IL12RB1: variants seen among roughly 807,000 people sequenced by gnomAD.
The protein encoded by IL12RB1 is interleukin 12 receptor subunit beta 1.
In IL12RB1, 64 loss-of-function variants were observed where a neutral mutation model predicts 94.4. The observed-to-expected ratio is 0.68, with a 90% CI of 0.55 to 0.83. IL12RB1 has a LOEUF of 0.83. IL12RB1 is among the 40% of genes least tolerant of loss of function. IL12RB1 has a pLI of 0.00. For synonymous variants in IL12RB1, 362 were observed against 355.5 expected, an observed-to-expected ratio of 1.02 and a Z score of -0.21; for missense variants, 814 against 855.6, an observed-to-expected ratio of 0.95 and a Z score of 0.61.
intron 4 of IL12RB1, among the ~76,000 whole-genome samples, chr19:18,079,964 C>G (rs754383463): frequency 9.2e-5 from 14 of 152,174 alleles, no homozygotes; most frequent in Admixed American, 1.3e-4. Flanking sequence ...TGTTTCTGTG[C>G]CTGGCTTACT....
intron 1 of IL12RB1, among the ~76,000 whole-genome samples, chr19:18,084,656 TCCAG>T (rs1192081004): frequency 2.5e-4 from 31 of 123,324 alleles, no homozygotes; most frequent in South Asian, 1.6e-3. Context: ...GATATATCCA[TCCAG>T]CCATCCATCC....
chr19:18,094,544 A>C (rs1051728901), intron 1 of IL12RB1, among the ~76,000 whole-genome samples: 1 of 152,182 alleles, frequency 6.6e-6, no homozygotes, highest in Non-Finnish European at 1.5e-5. Flanking sequence ...GCTTTGGAAA[A>C]CAGCCTGGTT....
intron 7 of IL12RB1, among the ~76,000 whole-genome samples, chr19:18,075,270 C>A (rs201331282): frequency 2.9e-4 from 32 of 108,978 alleles, no homozygotes; most frequent in South Asian, 1.5e-3. Context: ...TTTTTTTTTA[C>A]TTTTTTTTGA....
chr19:18,074,583 A>C (rs994581923), intron 7 of IL12RB1, among the ~76,000 whole-genome samples: 2 of 152,078 alleles, frequency 1.3e-5, no homozygotes, highest in African/African-American at 4.8e-5. Flanking sequence ...CCCCATCTCT[A>C]CTAAAAATAC....
chr19:18,065,775 C>T (rs535922446), intron 12 of IL12RB1, among the ~76,000 whole-genome samples: 2 of 151,960 alleles, frequency 1.3e-5, no homozygotes, highest in East Asian at 1.9e-4. Flanking sequence ...GCTGAGATGG[C>T]GCCACTGCAC....
In IL12RB1 at chr19:18,059,965, G is replaced by A. The variant is rs1327805116; in HGVS notation, c.1912C>T (p.Pro638Ser). The A allele has an allele frequency of 2.4e-5, 39 of 1,599,586 alleles. No homozygotes were observed. The highest frequency in any genetic ancestry group is 3.3e-5 in the Non-Finnish European group (39 of 1,172,596). Residue 638 changes from proline (P) to serine (S), a missense_variant, in exon 16 of 17, where the codon CCT (proline) becomes TCT (serine). Physicochemically the swap from Pro to Ser is moderately conservative, Grantham distance 74 (BLOSUM62 -1). Coordinates refer to ENST00000593993, the MANE Select transcript of IL12RB1 (RefSeq NM_005535.3). ...RTEPLEKTEL[P>S]EGAPELALDT... ...AGGGCCAGCTCAGGGGCACCCTCAGGTAGCTCTGTCTTCTCGAGAGGCTCA... is the reference window on the plus strand; with the variant it reads ...AGGGCCAGCTCAGGGGCACCCTCAGATAGCTCTGTCTTCTCGAGAGGCTCA...
chr19:18,079,609 A>G (rs1001000397), intron 4 of IL12RB1, among the ~76,000 whole-genome samples: 17 of 151,162 alleles, frequency 1.1e-4, no homozygotes, highest in African/African-American at 4.1e-4. Flanking sequence ...TTTTTTTTTT[A>G]AGATTATACA....
chr19:18,064,208 C>A (rs1379019271), intron 12 of IL12RB1, among the ~76,000 whole-genome samples, 198 bp from the exon 13 acceptor site: 1 of 144,970 alleles, frequency 6.9e-6, no homozygotes, highest in Non-Finnish European at 1.5e-5. Context: ...GGCGCCATCT[C>A]GGCTCACTGC....
At chr19:18,067,633 C>G (rs2034688058) in intron 11 of IL12RB1, among the ~76,000 whole-genome samples, 1 of 152,106 alleles carries the variant, frequency 6.6e-6, no homozygotes, top group Non-Finnish European at 1.5e-5. Flanking sequence ...AAAACCCTGT[C>G]TCTACTAAAG....
chr19:18,071,877 C>A (rs566533371), intron 9 of IL12RB1, among the ~76,000 whole-genome samples: 1 of 152,292 alleles, frequency 6.6e-6, no homozygotes, highest in African/African-American at 2.4e-5. Flanking sequence ...GTTGGCCAGA[C>A]TGGTCTCGAA....
rs766810300 is a variant in IL12RB1 at position 18,066,684 on chromosome 19, C to G, written c.1341G>C (p.Gly447=). 6.2e-7 allele frequency: 1 copy of G among 1,609,016 alleles called. No homozygotes were observed. Among genetic ancestry groups the G allele is most frequent in the Non-Finnish European group, 8.5e-7 (1 of 1,176,412 alleles). Residue 447 remains glycine, a synonymous_variant, in exon 12 of 17, where the codon GGG becomes GGC. Coordinates refer to ENST00000593993, the MANE Select transcript of IL12RB1 (RefSeq NM_005535.3). ...YHFGGNASAA[G]TPHHVSVKNH... is the part of the protein sequence containing the mutation. ...TCTTCACCGAGACGTGGTGCGGTGT[C>G]CCAGCTGCTGAGGCTGCAACCAGTA... is the stretch of plus-strand genomic sequence containing the variant.
intron 12 of IL12RB1, among the ~76,000 whole-genome samples, chr19:18,065,964 A>C (rs2034548368): frequency 6.7e-6 from 1 of 149,132 alleles, no homozygotes; most frequent in Non-Finnish European, 1.5e-5. Flanking sequence ...GCTTGAGCCC[A>C]GGAGGTTGAG....
At chr19:18,062,661 A>G (rs1043657473) in intron 13 of IL12RB1, among the ~76,000 whole-genome samples, 2 of 151,968 alleles carry the variant, frequency 1.3e-5, no homozygotes, top group Non-Finnish European at 2.9e-5. Flanking sequence ...AATCCCAGCT[A>G]CTTGGGAGGG....
At chr19:18,064,286 C>G in intron 12 of IL12RB1, among the ~76,000 whole-genome samples, 1 of 151,356 alleles carries the variant, frequency 6.6e-6, no homozygotes, top group Middle Eastern at 3.2e-3. Flanking sequence ...ACTACAGGCG[C>G]CCGCCACCAC....
intron 4 of IL12RB1, among the ~76,000 whole-genome samples, chr19:18,079,161 T>C (rs1279585968): frequency 2.0e-5 from 3 of 150,978 alleles, no homozygotes; most frequent in African/African-American, 7.3e-5. Flanking sequence ...TGGAGTGCAG[T>C]GGTGTGATCT....
At chr19:18,077,425 G>A (rs906822649) in intron 5 of IL12RB1, 91 bp downstream of exon 5, 25 of 982,206 alleles carry the variant, frequency 2.5e-5, no homozygotes, top group Non-Finnish European at 3.8e-5. Flanking sequence ...GGTTGGGAGC[G>A]GGGACAGATG....
chr19:18,085,715 T>C (rs918831283), intron 1 of IL12RB1, among the ~76,000 whole-genome samples: 1 of 152,016 alleles, frequency 6.6e-6, no homozygotes, highest in South Asian at 2.1e-4. Flanking sequence ...GTTCAAGCGA[T>C]CCTCCCACCT....
At chr19:18,077,277 G>A (rs547874095) in intron 5 of IL12RB1, among the ~76,000 whole-genome samples, 26 of 152,034 alleles carry the variant, frequency 1.7e-4, no homozygotes, top group African/African-American at 6.0e-4. Flanking sequence ...CAGGACAATC[G>A]CTTGAACCCG....
At chr19:18,081,153 TC>T in intron 3 of IL12RB1, 152 bp from the exon 4 acceptor site, 2 of 693,594 alleles carry the variant, frequency 2.9e-6, no homozygotes. Flanking sequence ...TGGAGTGCAG[TC>T]GCGCAATCTC....
Sources: gnomAD v4.1 joint callset for allele counts (sites outside exome capture counted in the v4.1 genomes callset) on GRCh38, gnomAD v4.1.1 for gene constraint, MANE v1.5 for transcripts, NCBI Gene and HGNC (gene_info 2026-07-23, HGNC 2026-07-21) for gene names.